The following RGS12 variants were observed in gnomAD, a reference collection of about 807,000 sequenced individuals.
The protein encoded by RGS12 is regulator of G-protein signaling 12.
Under a neutral mutation model 120.1 loss-of-function variants are expected in RGS12, and 66 were observed. The observed-to-expected ratio is 0.55, with a 90% CI of 0.45 to 0.67. RGS12 has a LOEUF of 0.67. Ranked by LOEUF, RGS12 falls within the 30% of genes least tolerant of loss-of-function variation. RGS12 has a pLI of 0.00. For missense variants in RGS12, 1,859 were observed against 1,957.7 expected (o/e 0.95, Z 0.95); for synonymous variants, 827 against 804.7 (o/e 1.03, Z -0.47).
chr4:3,420,824 C>A, intron 10 of RGS12, 106 bp downstream of exon 10: 1 of 1,018,014 alleles, frequency 9.8e-7, no homozygotes, highest in African/African-American at 1.6e-5. Context: ...ACTCAGCGTT[C>A]ACTTTGTAAA....
intron 2 of RGS12, among the ~76,000 whole-genome samples, chr4:3,338,767 T>C (rs1712758408): frequency 6.6e-6 from 1 of 152,230 alleles, no homozygotes; most frequent in Non-Finnish European, 1.5e-5. Context: ...GTGAGGAGTC[T>C]TCTCAACTTA....
chr4:3,305,811 T>C (rs372700630), intron 1 of RGS12, among the ~76,000 whole-genome samples: 1 of 152,250 alleles, frequency 6.6e-6, no homozygotes, highest in Non-Finnish European at 1.5e-5. Flanking sequence ...CCTTGGAGGC[T>C]TTGATTCCTC....
intron 2 of RGS12, among the ~76,000 whole-genome samples, chr4:3,325,491 G>A (rs1235701816): frequency 1.3e-5 from 2 of 152,136 alleles, no homozygotes; most frequent in East Asian, 3.8e-4. Context: ...TCACAGGAGT[G>A]GATTAGTTAT....
intron 3 of RGS12, among the ~76,000 whole-genome samples, chr4:3,364,147 CTGTT>C (rs1716038035): frequency 6.6e-6 from 1 of 152,214 alleles, no homozygotes; most frequent in Non-Finnish European, 1.5e-5. Flanking sequence ...AATCTTGTAA[CTGTT>C]TGTAAGGGTT....
chr4:3,409,303 G>A (rs898567155), intron 4 of RGS12, among the ~76,000 whole-genome samples: 2 of 152,262 alleles, frequency 1.3e-5, no homozygotes, highest in Admixed American at 1.3e-4. Flanking sequence ...GCACAGGGGA[G>A]CCGAGCACAC....
At chr4:3,415,691 A>C (rs1229779751) in intron 6 of RGS12, among the ~76,000 whole-genome samples, 1 of 152,202 alleles carries the variant, frequency 6.6e-6, no homozygotes, top group Non-Finnish European at 1.5e-5. Flanking sequence ...CCTTGCCAAG[A>C]CCAGGTGTGT....
intron 3 of RGS12, chr4:3,378,400 AAAAGT>A (rs1383135028): frequency 1.3e-5 from 2 of 152,248 alleles, no homozygotes; most frequent in African/African-American, 4.8e-5. Context: ...CAACAAAACT[AAAAGT>A]AAACAGGTGG....
chr4:3,405,195 C>T (rs1031062613), intron 4 of RGS12, among the ~76,000 whole-genome samples: 2 of 152,240 alleles, frequency 1.3e-5, no homozygotes, highest in South Asian at 2.1e-4. Flanking sequence ...CGAAGCAAGA[C>T]ACTTACAGAG....
intron 3 of RGS12, among the ~76,000 whole-genome samples, chr4:3,352,784 A>G (rs1384120251): frequency 3.9e-5 from 6 of 152,250 alleles, no homozygotes; most frequent in African/African-American, 1.4e-4. Context: ...GTCTTTTGTA[A>G]TAAGTCTTGT....
intron 3 of RGS12, 40 bp downstream of exon 3, chr4:3,343,093 T>C: frequency 6.7e-7 from 1 of 1,490,054 alleles, no homozygotes; most frequent in Non-Finnish European, 9.3e-7. Context: ...TCCTTCAAGT[T>C]TTAAAAAATG....
Position 3,439,660 on chromosome 4 carries a change from C to G in RGS12, c.4320C>G (p.Ser1440Arg). Residue 1440 changes from serine to arginine, a missense_variant, in exon 18 of 18, where the codon AGC (serine) becomes AGG (arginine). This residue lies in a region of RGS12 where 517 missense variants were observed against 488.5 expected (regional missense o/e 1.06). Coordinates refer to ENST00000336727, the MANE Select transcript of RGS12 (RefSeq NM_001394154.1). ...VPGEPAKPKT[S>R]AHHATFV The stretch of plus-strand genomic sequence containing the variant: ...GTGAGCCTGCTAAGCCCAAGACCAG[C>G]GCTCACCACGCCACCTTCGTCTGAG... 1.3e-6 allele frequency: 2 copies of G among 1,551,416 alleles called. No individual in the cohort carries two copies. Among genetic ancestry groups the G allele is most frequent in the South Asian group, 2.5e-5 (2 of 80,226 alleles).
At chr4:3,403,238 C>T (rs1720780532) in intron 4 of RGS12, among the ~76,000 whole-genome samples, 1 of 152,236 alleles carries the variant, frequency 6.6e-6, no homozygotes, top group Non-Finnish European at 1.5e-5. Context: ...GTTTCTAGTA[C>T]TGACTCCAGG....
chr4:3,374,283 C>G lies in RGS12; in HGVS notation c.1999-12133C>G, dbSNP rs1421613936. Among the ~76,000 whole-genome samples, 1 of 152,240 alleles carries G rather than the reference C, an allele frequency of 6.6e-6. No individual in the cohort carries two copies. The highest frequency in any genetic ancestry group is 1.5e-5 in the Non-Finnish European group (1 of 68,040). The stretch of plus-strand genomic sequence containing the variant: ...TTGCCTTGGGCTTCTGCAGCAGCGC[C>G]CTCCGGGTTCCCCTCCTCTCCTCCG... On this transcript the variant is annotated intron_variant, in intron 3 of 17. Transcript: ENST00000336727. The surrounding 1 kb of genome is among the most constrained non-coding windows in gnomAD (Gnocchi z 6.3).
At chr4:3,325,245 C>T (rs1725480029) in intron 2 of RGS12, among the ~76,000 whole-genome samples, 1 of 152,088 alleles carries the variant, frequency 6.6e-6, no homozygotes. Flanking sequence ...TGATATGAAC[C>T]TTGGCATAAA....
chr4:3,381,607 T>C (rs1220504689), intron 3 of RGS12, among the ~76,000 whole-genome samples: 1 of 152,184 alleles, frequency 6.6e-6, no homozygotes. Flanking sequence ...AAAGAGGGAC[T>C]AACCCCTTAT....
intron 3 of RGS12, among the ~76,000 whole-genome samples, chr4:3,352,749 C>T (rs1451147071): frequency 6.6e-6 from 1 of 152,190 alleles, no homozygotes; most frequent in Non-Finnish European, 1.5e-5. Context: ...GTTGTTTGGC[C>T]TTTGTGCAAG....
intron 3 of RGS12, among the ~76,000 whole-genome samples, chr4:3,382,397 T>C (rs1283525305): frequency 6.6e-6 from 1 of 152,204 alleles, no homozygotes; most frequent in Non-Finnish European, 1.5e-5. Context: ...AGCCGTGGCC[T>C]GGAAGCGACA....
At chr4:3,322,725 T>C (rs1725282870) in intron 2 of RGS12, among the ~76,000 whole-genome samples, 1 of 152,208 alleles carries the variant, frequency 6.6e-6, no homozygotes, top group African/African-American at 2.4e-5. Context: ...TGGTGTAATT[T>C]TGAAATGAAT....
intron 3 of RGS12, among the ~76,000 whole-genome samples, chr4:3,380,990 A>G (rs762896897): frequency 6.6e-6 from 1 of 152,180 alleles, no homozygotes; most frequent in Admixed American, 6.5e-5. Context: ...TCAGGCTGCA[A>G]ATTTTTCAAA....
Sources: allele counts gnomAD v4.1 joint callset (sites outside exome capture counted in the v4.1 genomes callset), GRCh38; gene constraint gnomAD v4.1.1; regional missense constraint gnomAD v4.1.1; non-coding constraint Gnocchi (gnomAD v3.1); transcripts MANE v1.5; gene names NCBI Gene and HGNC (gene_info 2026-07-23, HGNC 2026-07-21).